ANKFN1: variants seen among roughly 807,000 people sequenced by gnomAD.
ANKFN1 encodes the protein ankyrin repeat and fibronectin type III domain containing 1.
Under a neutral mutation model 108.7 loss-of-function variants are expected in ANKFN1, and 74 were observed. That is an observed-to-expected ratio of 0.68 (90% confidence interval 0.56 to 0.83). ANKFN1 has a LOEUF of 0.83. Among genes scored for constraint, ANKFN1 ranks in the 40% least tolerant of loss-of-function variants. ANKFN1 has a pLI of 0.00. For synonymous variants in ANKFN1, 547 were observed against 516.2 expected, an observed-to-expected ratio of 1.06 and a Z score of -0.81; for missense variants, 1,505 against 1,382.3, an observed-to-expected ratio of 1.09 and a Z score of -1.41.
chr17:56,422,539 T>A (rs998681922), intron 8 of ANKFN1, among the ~76,000 whole-genome samples: 17 of 152,120 alleles, frequency 1.1e-4, no homozygotes, highest in African/African-American at 4.1e-4. Flanking sequence ...CTTCTCTGAA[T>A]ATGCTGCTAC....
intron 8 of ANKFN1, among the ~76,000 whole-genome samples, chr17:56,426,498 C>T (rs1290565450): frequency 1.3e-5 from 2 of 152,168 alleles, no homozygotes; most frequent in African/African-American, 4.8e-5. Flanking sequence ...AAATACTCAA[C>T]ATTATGCATT....
At position 56,457,399 on chromosome 17, in the gene ANKFN1, G is replaced by C; in HGVS notation, c.1440+10G>C. On this transcript the variant is annotated intron_variant, in intron 13 of 20. Coordinates refer to ENST00000682825, the MANE Select transcript of ANKFN1 (RefSeq NM_001370326.1). ...TCTGTGGTTCACGAAGGTATACTAA[G>C]TTCTGATTTCATTTTTCCCTACTTT... The C allele has an allele frequency of 6.4e-7, 1 of 1,574,782 alleles. No individual in the cohort carries two copies. Among genetic ancestry groups the C allele is most frequent in the Non-Finnish European group, 8.6e-7 (1 of 1,167,748 alleles).
intron 3 of ANKFN1, among the ~76,000 whole-genome samples, chr17:56,299,160 C>A (rs1346369620): frequency 1.3e-5 from 2 of 152,200 alleles, no homozygotes; most frequent in African/African-American, 4.8e-5. Context: ...TGGGCAATAG[C>A]AGATGAAATT....
chr17:56,398,661 C>T (rs898050647), intron 8 of ANKFN1, among the ~76,000 whole-genome samples: 2 of 151,932 alleles, frequency 1.3e-5, no homozygotes, highest in Middle Eastern at 3.4e-3. Flanking sequence ...GAAGAGATAC[C>T]CAGAGATTAT....
chr17:56,491,778 A>C (rs888187780), intron 18 of ANKFN1, among the ~76,000 whole-genome samples: 20 of 152,198 alleles, frequency 1.3e-4, no homozygotes, highest in African/African-American at 4.8e-4. Context: ...TATGTACTGG[A>C]AATCAGACAT....
At chr17:56,087,422 T>C (rs1905336739) in intron 4 of ANKFN1, among the ~76,000 whole-genome samples, 1 of 151,370 alleles carries the variant, frequency 6.6e-6, no homozygotes, top group Non-Finnish European at 1.5e-5. Context: ...CTGTGGTTTC[T>C]TTATCCGGGC....
At chr17:56,214,251 G>T (rs10491198) in intron 2 of ANKFN1, among the ~76,000 whole-genome samples, 1 of 151,954 alleles carries the variant, frequency 6.6e-6, no homozygotes, top group South Asian at 2.1e-4. Flanking sequence ...AGTAGAAAAC[G>T]TTTAGAGGAA....
chr17:56,101,835 A>G (rs1220658832), intron 4 of ANKFN1, among the ~76,000 whole-genome samples: 1 of 152,244 alleles, frequency 6.6e-6, no homozygotes, highest in African/African-American at 2.4e-5. Flanking sequence ...CTTATTTAAA[A>G]TGCAGATTCT....
At chr17:56,340,952 C>T (rs2045943346) in intron 4 of ANKFN1, among the ~76,000 whole-genome samples, 1 of 151,978 alleles carries the variant, frequency 6.6e-6, no homozygotes, top group South Asian at 2.1e-4. Context: ...AATGTTTTTC[C>T]ATTTGTTTGT....
At chr17:56,206,034 C>A (rs186087462) in intron 1 of ANKFN1, among the ~76,000 whole-genome samples, 155 of 152,136 alleles carry the variant, frequency 1.0e-3, no homozygotes, top group African/African-American at 3.6e-3. Flanking sequence ...AAATAAAGAT[C>A]CTCATGACTT....
At chr17:56,458,461 C>T (rs1049471309) in intron 14 of ANKFN1, among the ~76,000 whole-genome samples, 1 of 151,678 alleles carries the variant, frequency 6.6e-6, no homozygotes, top group Non-Finnish European at 1.5e-5. Context: ...AAAGCATAGA[C>T]ATTTTTGCTT....
intron 8 of ANKFN1, among the ~76,000 whole-genome samples, chr17:56,420,656 A>ATTCTATGTTG (rs952908112): frequency 7.2e-6 from 1 of 139,206 alleles, no homozygotes; most frequent in Non-Finnish European, 1.6e-5. Context: ...AGAAATTAAT[A>ATTCTATGTTG]TTCTATGTTG....
At chr17:56,474,536 C>T (rs560045862) in intron 15 of ANKFN1, among the ~76,000 whole-genome samples, 14 of 152,146 alleles carry the variant, frequency 9.2e-5, no homozygotes, top group East Asian at 1.9e-4. Context: ...AGGGTCGTTC[C>T]GTGTTTCTCC....
intron 4 of ANKFN1, among the ~76,000 whole-genome samples, chr17:56,347,005 A>C (rs2046122712): frequency 6.6e-6 from 1 of 151,958 alleles, no homozygotes; most frequent in African/African-American, 2.4e-5. Flanking sequence ...ATGAAAAGAC[A>C]ATATTAGGAC....
At chr17:56,139,580 A>G (rs1291037018) in intron 4 of ANKFN1, among the ~76,000 whole-genome samples, 1 of 152,194 alleles carries the variant, frequency 6.6e-6, no homozygotes, top group African/African-American at 2.4e-5. Flanking sequence ...GCCGACAGAC[A>G]GAGGAAAGTG....
intron 8 of ANKFN1, among the ~76,000 whole-genome samples, chr17:56,436,369 C>T (rs1214235197): frequency 6.6e-6 from 1 of 152,154 alleles, no homozygotes; most frequent in Non-Finnish European, 1.5e-5. Context: ...CTTCTCAGAC[C>T]TAAGTAGAAA....
chr17:56,108,580 G>A (rs1478074098), intron 4 of ANKFN1, among the ~76,000 whole-genome samples: 3 of 152,170 alleles, frequency 2.0e-5, no homozygotes, highest in Admixed American at 6.5e-5. Flanking sequence ...AGGAAACTAA[G>A]TCACGGAGAG....
At chr17:56,046,506 T>G (rs1206166416) in intron 4 of ANKFN1, among the ~76,000 whole-genome samples, 1 of 151,826 alleles carries the variant, frequency 6.6e-6, no homozygotes, top group Non-Finnish European at 1.5e-5. Context: ...GCATTTTCTC[T>G]GCAGATTATA....
intron 4 of ANKFN1, among the ~76,000 whole-genome samples, chr17:56,144,937 T>A (rs745612220): frequency 2.0e-5 from 3 of 150,216 alleles, no homozygotes; most frequent in Non-Finnish European, 4.4e-5. Context: ...TCTCTTACCC[T>A]TTTTTTTTTC....
Sources: allele counts gnomAD v4.1 joint callset (sites outside exome capture counted in the v4.1 genomes callset), GRCh38; gene constraint gnomAD v4.1.1; transcripts MANE v1.5; gene names NCBI Gene and HGNC (gene_info 2026-07-23, HGNC 2026-07-21).